The following SUPT20HL1 variants were observed in gnomAD, a reference collection of about 807,000 sequenced individuals.
SUPT20HL1 encodes the protein SUPT20H like 1, also known as transcription factor SPT20 homolog-like 1.
For missense variants in SUPT20HL1, 277 were observed against 200.3 expected, an observed-to-expected ratio of 1.38 and a Z score of -2.31; for synonymous variants, 133 against 79.2, an observed-to-expected ratio of 1.68 and a Z score of -3.61.
chrX:24,362,162 T>C lies in SUPT20HL1; in HGVS notation c.-599T>C, dbSNP rs1158743114. Among the ~76,000 whole-genome samples, 1 of 112,811 alleles carries C rather than the reference T, an allele frequency of 8.9e-6. No individual in the cohort carries two copies. The highest frequency in any genetic ancestry group is 1.9e-5 in the Non-Finnish European group (1 of 53,353). ...TTGGTGGCTTATGCTTTTGCATGTA[T>C]GCTTTCAAGGTGAAATGGCAAGTAG... On this transcript the variant is annotated 5_prime_UTR_variant, in exon 1 of 1. It removes an upstream start codon present in the reference 5' UTR. Transcript: ENST00000686983.
chrX:24,364,306 G>GCTGCTC lies in SUPT20HL1; in HGVS notation c.1559_1564dup (p.Pro520_Ala521dup), dbSNP rs762422141. The GCTGCTC allele has an allele frequency of 7.7e-6, 7 of 904,818 alleles. No homozygotes were observed. Among genetic ancestry groups the GCTGCTC allele is most frequent in the Admixed American group, 2.9e-5 (1 of 34,430 alleles). 74.6% of individuals were successfully genotyped at this position (904,818 alleles called of 1,213,427 possible). On this transcript the variant is annotated inframe_insertion, in exon 1 of 1. Transcript: ENST00000686983. ...TGCTGCTGCTGCTGCTGCTGCTGCT[G>GCTGCTC]CTGCTCCTGCTCCTGCTCTAGCTGC...
rs1462419053 is a variant in SUPT20HL1 at position 24,365,237 on chromosome X, A to C, written c.2477A>C (p.Gln826Pro). 2.7e-6 allele frequency: 1 copy of C among 376,017 alleles called. No individual in the cohort carries two copies. Among genetic ancestry groups the C allele is most frequent in the Non-Finnish European group, 5.3e-6 (1 of 187,527 alleles). The allele number at this position is 376,017 out of a possible 1,213,427, so 31.0% of individuals were successfully genotyped here. ...CCGCAGCATATCCAGCTCCAGACTCAGCAGTTGAGAGTCTTGCAGCAGCCG... is the reference window on the plus strand; with the variant it reads ...CCGCAGCATATCCAGCTCCAGACTCCGCAGTTGAGAGTCTTGCAGCAGCCG... ...QQPQHIQLQTQQLRVLQQPQH... is the reference protein window; with the variant it reads ...QQPQHIQLQTPQLRVLQQPQH... Residue 826 changes from glutamine to proline, a missense_variant, in exon 1 of 1, where the codon CAG (glutamine) becomes CCG (proline). Coordinates refer to ENST00000686983, the MANE Select transcript of SUPT20HL1 (RefSeq NM_001136234.3).
rs1347979991 is a variant in SUPT20HL1 at position 24,366,520 on chromosome X, C to G, written c.*1096C>G. Among the ~76,000 whole-genome samples, 1 of 111,591 alleles carries G rather than the reference C, an allele frequency of 9.0e-6. No individual in the cohort carries two copies. Among genetic ancestry groups the G allele is most frequent in the Non-Finnish European group, 1.9e-5 (1 of 53,131 alleles). On this transcript the variant is annotated 3_prime_UTR_variant, in exon 1 of 1. Coordinates refer to ENST00000686983, the MANE Select transcript of SUPT20HL1 (RefSeq NM_001136234.3). ...CTTTCTCACTGGCTTTGAAAAGGCT[C>G]TTTTTGGATGTTTTGTGTGCTCTCT...
At position 24,363,461 on chromosome X, in the gene SUPT20HL1, C is replaced by T. The variant is rs768932096; in HGVS notation, c.701C>T (p.Pro234Leu). Residue 234 changes from proline to leucine, a missense_variant, in exon 1 of 1, where the codon CCG becomes CTG. Transcript: ENST00000686983. The part of the protein sequence containing the change: ...LYNKQKMNTD[P>L]MKRCLQRYSW... ...AACAAGCAAAAGATGAATACCGACCCGATGAAACGGTGCCTCCAGAGGTAT... is the reference window on the plus strand; with the variant it reads ...AACAAGCAAAAGATGAATACCGACCTGATGAAACGGTGCCTCCAGAGGTAT... The T allele has an allele frequency of 2.6e-6, 1 of 387,096 alleles. No homozygotes were observed. The highest frequency in any genetic ancestry group is 5.2e-6 in the Non-Finnish European group (1 of 192,637). 31.9% of individuals were successfully genotyped at this position (387,096 alleles called of 1,213,427 possible).
chrX:24,367,744 C>G lies in SUPT20HL1; in HGVS notation c.*2320C>G, dbSNP rs760648633. 1.8e-5 allele frequency among the ~76,000 whole-genome samples: 2 copies of G among 112,038 alleles called. No homozygotes were observed. Among genetic ancestry groups the G allele is most frequent in the East Asian group, 5.6e-4 (2 of 3,589 alleles). On this transcript the variant is annotated 3_prime_UTR_variant, in exon 1 of 1. Coordinates refer to ENST00000686983, the MANE Select transcript of SUPT20HL1 (RefSeq NM_001136234.3). ...TCCTTCCTTTGTTGTCTATCTGGTC[C>G]TTTCAAGTACTACATGGAGCTACCA...
Position 24,363,438 on chromosome X carries a change from C to T in SUPT20HL1, c.678C>T (p.Asn226=). The T allele has an allele frequency of 2.6e-6, 1 of 387,108 alleles. No individual in the cohort carries two copies. The highest frequency in any genetic ancestry group is 2.3e-5 in the South Asian group (1 of 42,954). 31.9% of individuals were successfully genotyped at this position (387,108 alleles called of 1,213,427 possible). Residue 226 remains asparagine, a synonymous_variant, in exon 1 of 1, where the codon AAC becomes AAT. Coordinates refer to ENST00000686983, the MANE Select transcript of SUPT20HL1 (RefSeq NM_001136234.3). ...VACTANRLLY[N]KQKMNTDPMK... ...GCACTGCAAACAGGCTGCTGTACAA[C>T]AAGCAAAAGATGAATACCGACCCGA...
In SUPT20HL1 at chrX:24,362,806, A is replaced by G. The variant is rs1455513708; in HGVS notation, c.46A>G (p.Ile16Val). The change falls in exon 1 of 1, where the codon ATT becomes GTT. Residue 16 changes from isoleucine (I) to valine (V), a missense_variant. Transcript: ENST00000686983. ...GGCTCTGGATCGCGCAGAGAATATC[A>G]TTGAAATTGCCCAACAGAGACCTCC... ...EQALDRAENI[I>V]EIAQQRPPRR... The G allele has an allele frequency of 5.2e-6, 2 of 385,335 alleles. No homozygotes were observed. Among genetic ancestry groups the G allele is most frequent in the African/African-American group, 2.6e-5 (1 of 39,159 alleles). The allele number at this position is 385,335 out of a possible 1,213,427, so 31.8% of individuals were successfully genotyped here.
Position 24,364,812 on chromosome X carries a change from G to A in SUPT20HL1, c.2052G>A (p.Leu684=), listed in dbSNP as rs775747003. The A allele has an allele frequency of 2.6e-6, 1 of 388,712 alleles. No individual in the cohort carries two copies. Among genetic ancestry groups the A allele is most frequent in the Non-Finnish European group, 5.2e-6 (1 of 193,440 alleles). 32.0% of individuals were successfully genotyped at this position (388,712 alleles called of 1,213,427 possible). Residue 684 remains leucine, a synonymous_variant, in exon 1 of 1, where the codon CTG becomes CTA. Transcript: ENST00000686983. ...FLNTPEGLRP[L]TLLQVPQGSA... is the part of the protein sequence containing the mutation. ...ATACTCCGGAAGGTCTCAGGCCTCT[G>A]ACACTCCTCCAGGTTCCGCAGGGCT...
rs772476871 is a variant in SUPT20HL1 at position 24,364,122 on chromosome X, G to A, written c.1362G>A (p.Ser454=). ...CTGTGTGGGTCCAGTCTTCAGTATCGGGGAAGGGAGAGAAACATCCACCTC... is the reference window on the plus strand; with the variant it reads ...CTGTGTGGGTCCAGTCTTCAGTATCAGGGAAGGGAGAGAAACATCCACCTC... ...PDPVWVQSSV[S]GKGEKHPPPR... Residue 454 remains serine (S), a synonymous_variant, in exon 1 of 1, where the codon TCG becomes TCA. Coordinates refer to ENST00000686983, the MANE Select transcript of SUPT20HL1 (RefSeq NM_001136234.3). 2.5e-4 allele frequency: 145 copies of A among 579,074 alleles called. No individual in the cohort carries two copies. The African/African-American group carries it at 2.7e-3, about 11-fold the overall frequency. The allele number at this position is 579,074 out of a possible 1,213,427, so 47.7% of individuals were successfully genotyped here.
At position 24,363,840 on chromosome X, in the gene SUPT20HL1, T is replaced by C; in HGVS notation, c.1080T>C (p.Asp360=). The change falls in exon 1 of 1, where the codon GAT becomes GAC. Residue 360 remains aspartate, a synonymous_variant. Transcript: ENST00000686983. ...TKPSIMQSFN[D]PLLCGKIRPR... Reference sequence around the variant, plus strand: ...CAAGCATCATGCAGTCGTTTAATGATCCGCTTCTCTGTGGTAAAATACGGC... The same window carrying C: ...CAAGCATCATGCAGTCGTTTAATGACCCGCTTCTCTGTGGTAAAATACGGC... The C allele has an allele frequency of 2.5e-6, 1 of 392,816 alleles. No individual in the cohort carries two copies. The highest frequency in any genetic ancestry group is 2.3e-5 in the South Asian group (1 of 42,722). The allele number at this position is 392,816 out of a possible 1,213,427, so 32.4% of individuals were successfully genotyped here.
At position 24,363,314 on chromosome X, in the gene SUPT20HL1, G is replaced by T. The variant is rs765621894; in HGVS notation, c.554G>T (p.Gly185Val). Reference sequence around the variant, plus strand: ...GATGTGAAGATGATGACAAGAGATGGCCAGAAATGGAGCCAGGAAGACAAG... The same window carrying T: ...GATGTGAAGATGATGACAAGAGATGTCCAGAAATGGAGCCAGGAAGACAAG... ...AHDVKMMTRDGQKWSQEDKLQ... is the reference protein window; with the variant it reads ...AHDVKMMTRDVQKWSQEDKLQ... The change falls in exon 1 of 1, where the codon GGC (glycine) becomes GTC (valine). Residue 185 changes from glycine to valine, a missense_variant. Physicochemically the swap from Gly to Val is moderately radical, Grantham distance 109. Coordinates refer to ENST00000686983, the MANE Select transcript of SUPT20HL1 (RefSeq NM_001136234.3). 1.8e-5 allele frequency: 7 copies of T among 385,316 alleles called. No homozygotes were observed. Among genetic ancestry groups the T allele is most frequent in the African/African-American group, 1.3e-4 (5 of 39,083 alleles). The allele number at this position is 385,316 out of a possible 1,213,427, so 31.8% of individuals were successfully genotyped here. A position where few individuals can be genotyped will look rare whatever the true frequency, so the allele number is the denominator to read the frequency against.
Position 24,363,313 on chromosome X carries a change from G to A in SUPT20HL1, c.553G>A (p.Gly185Ser), listed in dbSNP as rs757786219. ...AHDVKMMTRD[G>S]QKWSQEDKLQ... ...TGATGTGAAGATGATGACAAGAGAT[G>A]GCCAGAAATGGAGCCAGGAAGACAA... Residue 185 changes from glycine (G) to serine (S), a missense_variant, in exon 1 of 1, where the codon GGC becomes AGC. Coordinates refer to ENST00000686983, the MANE Select transcript of SUPT20HL1 (RefSeq NM_001136234.3). 4 of 387,186 alleles carry A rather than the reference G, an allele frequency of 1.0e-5. No homozygotes were observed. The East Asian group carries it at 2.2e-4, about 22-fold the overall frequency. The allele number at this position is 387,186 out of a possible 1,213,427, so 31.9% of individuals were successfully genotyped here. A position where few individuals can be genotyped will look rare whatever the true frequency, so the allele number is the denominator to read the frequency against.
rs375444060 is a variant in SUPT20HL1, at chrX:24,363,454, A to G, written c.694A>G (p.Thr232Ala). 2 of 385,289 alleles carry G rather than the reference A, an allele frequency of 5.2e-6. No individual in the cohort carries two copies. Among genetic ancestry groups the G allele is most frequent in the African/African-American group, 5.1e-5 (2 of 39,037 alleles). The allele number at this position is 385,289 out of a possible 1,213,427, so 31.8% of individuals were successfully genotyped here. ...GCTGTACAACAAGCAAAAGATGAAT[A>G]CCGACCCGATGAAACGGTGCCTCCA... ...RLLYNKQKMN[T>A]DPMKRCLQRY... Residue 232 changes from threonine (T) to alanine (A), a missense_variant, in exon 1 of 1, where the codon ACC (threonine) becomes GCC (alanine). Thr to Ala is a moderately conservative substitution (Grantham distance 58, BLOSUM62 0). Transcript: ENST00000686983.
rs1457780683 is a variant in SUPT20HL1, at chrX:24,362,768, G to A, written c.8G>A (p.Arg3Gln). The change falls in exon 1 of 1, where the codon CGA (arginine) becomes CAA (glutamine). Residue 3 changes from arginine (R) to glutamine (Q), a missense_variant. Coordinates refer to ENST00000686983, the MANE Select transcript of SUPT20HL1 (RefSeq NM_001136234.3). ...GCCCTGTTTTCTGTTACAATGGATC[G>A]AGATTTAGAACAGGCTCTGGATCGC... MD[R>Q]DLEQALDRAE... 1 of 381,442 alleles carries A rather than the reference G, an allele frequency of 2.6e-6. No individual in the cohort carries two copies. Among genetic ancestry groups the A allele is most frequent in the Non-Finnish European group, 5.2e-6 (1 of 190,542 alleles). 31.4% of individuals were successfully genotyped at this position (381,442 alleles called of 1,213,427 possible). A position where few individuals can be genotyped will look rare whatever the true frequency, so the allele number is the denominator to read the frequency against.
rs1249301750 is a variant in SUPT20HL1 at position 24,361,936 on chromosome X, C to T, written c.-825C>T. The stretch of plus-strand genomic sequence containing the variant: ...GGCGTCTCTGGGCATGGAAGCACTG[C>T]TACCGCGGGCTCATTCCGCAGCCCA... On this transcript the variant is annotated 5_prime_UTR_variant, in exon 1 of 1. Transcript: ENST00000686983. 2.7e-5 allele frequency among the ~76,000 whole-genome samples: 3 copies of T among 112,173 alleles called. No individual in the cohort carries two copies. The South Asian group carries it at 1.1e-3, about 42-fold the overall frequency.
rs768213443 is a variant in SUPT20HL1 at position 24,364,383 on chromosome X, T to TGCTGCTCCTGCTCCTGCTCCTGCC, written c.1636_1659dup (p.Pro546_Ala553dup). The TGCTGCTCCTGCTCCTGCTCCTGCC allele has an allele frequency of 5.1e-6, 3 of 589,243 alleles. No individual in the cohort carries two copies. Among genetic ancestry groups the TGCTGCTCCTGCTCCTGCTCCTGCC allele is most frequent in the Non-Finnish European group, 8.1e-6 (3 of 370,559 alleles). The allele number at this position is 589,243 out of a possible 1,213,427, so 48.6% of individuals were successfully genotyped here. The stretch of plus-strand genomic sequence containing the variant: ...CTGCTGCTCCTGCTCTAGCTGCTGC[T>TGCTGCTCCTGCTCCTGCTCCTGCC]GCTGCTCCTGCTCCTGCTCCTGCCG... On this transcript the variant is annotated inframe_insertion, in exon 1 of 1. Coordinates refer to ENST00000686983, the MANE Select transcript of SUPT20HL1 (RefSeq NM_001136234.3).
Position 24,364,576 on chromosome X carries a change from A to G in SUPT20HL1, c.1816A>G (p.Thr606Ala), listed in dbSNP as rs755161340. The G allele has an allele frequency of 3.4e-5, 18 of 533,617 alleles. No homozygotes were observed. Among genetic ancestry groups the G allele is most frequent in the Non-Finnish European group, 5.9e-5 (17 of 287,171 alleles). The allele number at this position is 533,617 out of a possible 1,213,427, so 44.0% of individuals were successfully genotyped here. Reference sequence around the variant, plus strand: ...AGCCATTCAGTTGAGGACAGGCTCCACTGGCCTAAAGGCCATCAATGTGGA... The same window carrying G: ...AGCCATTCAGTTGAGGACAGGCTCCGCTGGCCTAAAGGCCATCAATGTGGA... Reference protein sequence around the residue: ...APAIQLRTGSTGLKAINVEGP... With the variant: ...APAIQLRTGSAGLKAINVEGP... The change falls in exon 1 of 1, where the codon ACT (threonine) becomes GCT (alanine). Residue 606 changes from threonine (T) to alanine (A), a missense_variant. Transcript: ENST00000686983.
rs1939458488 is a variant in SUPT20HL1, at chrX:24,364,312, C to CCTGCTCTAGCTGCTGCTG, written c.1558_1559insTAGCTGCTGCTGCTGCTC (p.Ala519_Pro520insLeuAlaAlaAlaAlaAla). 26 of 583,300 alleles carry CCTGCTCTAGCTGCTGCTG rather than the reference C, an allele frequency of 4.5e-5. No individual in the cohort carries two copies. The South Asian group carries it at 7.9e-4, about 18-fold the overall frequency. 48.1% of individuals were successfully genotyped at this position (583,300 alleles called of 1,213,427 possible). A position where few individuals can be genotyped will look rare whatever the true frequency, so the allele number is the denominator to read the frequency against. Reference sequence around the variant, plus strand: ...TGCTGCTGCTGCTGCTGCTGCTGCTCCTGCTCCTGCTCTAGCTGCTGCTGC... The same window carrying CCTGCTCTAGCTGCTGCTG: ...TGCTGCTGCTGCTGCTGCTGCTGCTCCTGCTCTAGCTGCTGCTGCTGCTCCTGCTCTAGCTGCTGCTGC... On this transcript the variant is annotated inframe_insertion, in exon 1 of 1. Transcript: ENST00000686983.
rs1318137019 is a variant in SUPT20HL1 at position 24,364,254 on chromosome X, T to TG, written c.1494_1495insG (p.Ile499AspfsTer82). The TG allele has an allele frequency of 1.2e-5, 11 of 914,511 alleles. No homozygotes were observed. The highest frequency in any genetic ancestry group is 6.8e-5 in the African/African-American group (3 of 43,918). 75.4% of individuals were successfully genotyped at this position (914,511 alleles called of 1,213,427 possible). A position where few individuals can be genotyped will look rare whatever the true frequency, so the allele number is the denominator to read the frequency against. On this transcript the variant is annotated frameshift_variant, in exon 1 of 1. Coordinates refer to ENST00000686983, the MANE Select transcript of SUPT20HL1 (RefSeq NM_001136234.3). LOFTEE classifies it low-confidence loss of function (END_TRUNC). ...AGCGTCCATTTTCTGCTGCTGCTGC[T>TG]ATTGCTGCTGCTGCTGCTGCTGCTG...
Sources: allele counts gnomAD v4.1 joint callset (sites outside exome capture counted in the v4.1 genomes callset), GRCh38; gene constraint gnomAD v4.1.1; transcripts MANE v1.5; gene names NCBI Gene and HGNC (gene_info 2026-07-23, HGNC 2026-07-21).